Variants in PTPRT observed in about 807,000 individuals in gnomAD.
The protein encoded by PTPRT is protein tyrosine phosphatase receptor type T.
In PTPRT, 56 loss-of-function variants were observed where a neutral mutation model predicts 176.8. That is an observed-to-expected ratio of 0.32 (90% CI 0.26 to 0.40). The LOEUF is 0.40. Among genes scored for constraint, PTPRT ranks in the 10% least tolerant of loss-of-function variants. PTPRT has a pLI of 1.00. For missense variants in PTPRT, 1,540 were observed against 1,908.2 expected, an observed-to-expected ratio of 0.81 and a Z score of 3.60; for synonymous variants, 783 against 739.0, an observed-to-expected ratio of 1.06 and a Z score of -0.96.
chr20:42,703,426 A>G (rs1052051304), intron 6 of PTPRT, among the ~76,000 whole-genome samples: 3 of 152,240 alleles, frequency 2.0e-5, no homozygotes, highest in South Asian at 2.1e-4. Context: ...GAAATAAGAG[A>G]AAAGTAAAGA....
At chr20:42,656,404 A>G (rs919134028) in intron 7 of PTPRT, among the ~76,000 whole-genome samples, 2 of 152,210 alleles carry the variant, frequency 1.3e-5, no homozygotes, top group African/African-American at 2.4e-5. Context: ...GAGACTTACA[A>G]GTAGTGATAA....
At chr20:42,659,064 AT>A (rs1213074829) in intron 7 of PTPRT, among the ~76,000 whole-genome samples, 3 of 152,102 alleles carry the variant, frequency 2.0e-5, no homozygotes, top group Non-Finnish European at 2.9e-5. Flanking sequence ...GTTTTTCTGT[AT>A]CTTCCAAAAT....
intron 7 of PTPRT, among the ~76,000 whole-genome samples, chr20:42,622,922 AG>A (rs1186065103): frequency 6.6e-6 from 1 of 152,184 alleles, no homozygotes; most frequent in Non-Finnish European, 1.5e-5. Context: ...GCATCCAAAA[AG>A]TTGCCTTTTG....
At chr20:42,764,995 T>A (rs996334044) in intron 5 of PTPRT, among the ~76,000 whole-genome samples, 1 of 152,146 alleles carries the variant, frequency 6.6e-6, no homozygotes, top group South Asian at 2.1e-4. Flanking sequence ...CCGGCTGCAG[T>A]AAAGACTGAT....
At chr20:42,345,250 C>A (rs1190920705) in intron 11 of PTPRT, among the ~76,000 whole-genome samples, 1 of 151,588 alleles carries the variant, frequency 6.6e-6, no homozygotes, top group African/African-American at 2.4e-5. Context: ...GCTCAATGGC[C>A]ATATGTGTTC....
chr20:42,145,497 CATAGATAGATAG>C (rs59838948), intron 17 of PTPRT, among the ~76,000 whole-genome samples: 60 of 144,560 alleles, frequency 4.2e-4, no homozygotes, highest in South Asian at 3.0e-3. Flanking sequence ...GACTTTGTCT[CATAGATAGATAG>C]ATAGATAGAT....
At chr20:42,955,851 GAGA>G (rs1342285728) in intron 1 of PTPRT, among the ~76,000 whole-genome samples, 37 of 124,280 alleles carry the variant, frequency 3.0e-4, no homozygotes, top group Middle Eastern at 4.1e-3. Context: ...GGGAGGGAGG[GAGA>G]AGGAGGGAGG....
intron 1 of PTPRT, among the ~76,000 whole-genome samples, chr20:43,010,980 T>C (rs1263202522): frequency 2.0e-5 from 3 of 152,144 alleles, no homozygotes; most frequent in East Asian, 1.9e-4. Flanking sequence ...AGAATCAAGG[T>C]GGCCATCTCT....
At chr20:42,532,827 T>G (rs1017616437) in intron 7 of PTPRT, among the ~76,000 whole-genome samples, 2 of 152,050 alleles carry the variant, frequency 1.3e-5, no homozygotes, top group Non-Finnish European at 2.9e-5. Context: ...CCCAGTCCTT[T>G]CAATACAGAC....
intron 1 of PTPRT, among the ~76,000 whole-genome samples, chr20:43,183,512 TAA>T (rs945420981): frequency 7.2e-5 from 11 of 152,210 alleles, no homozygotes; most frequent in African/African-American, 2.7e-4. Context: ...CGTGGTCAAA[TAA>T]AAGTTTTAAC....
intron 7 of PTPRT, among the ~76,000 whole-genome samples, chr20:42,605,510 T>TGCCTCA (rs2073860634): frequency 6.6e-6 from 1 of 152,220 alleles, no homozygotes. Flanking sequence ...GCTGAGCTAA[T>TGCCTCA]GCCTCAGCCT....
chr20:42,581,823 G>C (rs2145726565), intron 7 of PTPRT, among the ~76,000 whole-genome samples: 1 of 152,302 alleles, frequency 6.6e-6, no homozygotes, highest in South Asian at 2.1e-4. Flanking sequence ...AGGTTGAAGG[G>C]GGAGGGTGCT....
intron 1 of PTPRT, among the ~76,000 whole-genome samples, chr20:43,166,429 T>C (rs902853163): frequency 6.6e-6 from 1 of 152,224 alleles, no homozygotes; most frequent in Non-Finnish European, 1.5e-5. Context: ...TCCACAATTT[T>C]AAAGATTTCC....
At chr20:43,148,795 G>A (rs1455157119) in intron 1 of PTPRT, among the ~76,000 whole-genome samples, 1 of 152,164 alleles carries the variant, frequency 6.6e-6, no homozygotes, top group Non-Finnish European at 1.5e-5. Context: ...AAAATGTACT[G>A]TCTGCTACCT....
intron 1 of PTPRT, among the ~76,000 whole-genome samples, chr20:42,903,960 G>C (rs558832): frequency 0.09 from 13,756 of 152,154 alleles, 1,877 homozygotes; most frequent in African/African-American, 0.29. Flanking sequence ...TGTACACAAA[G>C]GAGAAGCAGG....
chr20:42,124,262 A>G (rs1987741824), intron 19 of PTPRT, among the ~76,000 whole-genome samples: 1 of 152,242 alleles, frequency 6.6e-6, no homozygotes. Context: ...CCACCTACAC[A>G]GCACGCAGAT....
At chr20:42,609,799 C>A (rs1248304056) in intron 7 of PTPRT, among the ~76,000 whole-genome samples, 2 of 152,222 alleles carry the variant, frequency 1.3e-5, no homozygotes, top group South Asian at 2.1e-4. Context: ...CCCACTCCCC[C>A]CAGGGCGGGT....
chr20:42,068,526 A>G (rs1480376813), downstream of PTPRT, among the ~76,000 whole-genome samples: 2 of 152,180 alleles, frequency 1.3e-5, no homozygotes, highest in African/African-American at 2.4e-5. Context: ...GTTTTTCTTA[A>G]TGTCATTTCA....
At chr20:42,552,547 C>T (rs540192438) in intron 7 of PTPRT, among the ~76,000 whole-genome samples, 8 of 152,062 alleles carry the variant, frequency 5.3e-5, no homozygotes, top group Middle Eastern at 6.8e-3. Context: ...ATTTTTTGCA[C>T]GAAAATGTTT....
Sources: allele counts gnomAD v4.1 joint callset (sites outside exome capture counted in the v4.1 genomes callset), GRCh38; gene constraint gnomAD v4.1.1; transcripts MANE v1.5; gene names NCBI Gene and HGNC (gene_info 2026-07-23, HGNC 2026-07-21).